Variants in ZBTB20 observed in about 807,000 individuals in gnomAD.
ZBTB20 encodes zinc finger and BTB domain containing 20.
In ZBTB20, 9 loss-of-function variants were observed where a neutral mutation model predicts 56.9. That is an observed-to-expected ratio of 0.16 (90% CI 0.10 to 0.28). The LOEUF is 0.28. Ranked by LOEUF, ZBTB20 falls within the 10% of genes least tolerant of loss-of-function variation. The probability of loss-of-function intolerance (pLI) is 1.00; values close to 1 mark genes in which losing one functional copy is unlikely to be tolerated. For missense variants in ZBTB20, 655 were observed against 1,003.0 expected, an observed-to-expected ratio of 0.65 and a Z score of 4.69; for synonymous variants, 417 against 420.7, an observed-to-expected ratio of 0.99 and a Z score of 0.11.
intron 2 of ZBTB20, among the ~76,000 whole-genome samples, chr3:115,043,040 T>A (rs1023853228): frequency 2.0e-5 from 3 of 152,228 alleles, no homozygotes; most frequent in Non-Finnish European, 4.4e-5. Flanking sequence ...CTTCTATCTC[T>A]ATAATTTCTG....
At chr3:114,706,263 C>T (rs1350414588) in intron 5 of ZBTB20, among the ~76,000 whole-genome samples, 2 of 152,116 alleles carry the variant, frequency 1.3e-5, no homozygotes, top group African/African-American at 4.8e-5. Context: ...GACATCCCAG[C>T]ACAAAGACCC....
chr3:115,005,120 A>G (rs570815428), intron 2 of ZBTB20, among the ~76,000 whole-genome samples: 40 of 151,868 alleles, frequency 2.6e-4, no homozygotes, highest in Non-Finnish European at 3.2e-4. Flanking sequence ...AGGGATTCTT[A>G]CCCTGAAAAT....
intron 2 of ZBTB20, among the ~76,000 whole-genome samples, chr3:115,064,332 G>A (rs2082123569): frequency 2.0e-5 from 3 of 151,662 alleles, no homozygotes; most frequent in Admixed American, 2.0e-4. Flanking sequence ...AAGTGTGGGG[G>A]TACATTTGGA....
chr3:114,905,577 G>T (rs2075289199), intron 3 of ZBTB20, among the ~76,000 whole-genome samples: 2 of 151,834 alleles, frequency 1.3e-5, no homozygotes, highest in South Asian at 4.1e-4. Flanking sequence ...AAGGAATGTT[G>T]CATGAATTGT....
chr3:114,379,859 T>C (rs1450249256), intron 10 of ZBTB20, among the ~76,000 whole-genome samples: 1 of 152,212 alleles, frequency 6.6e-6, no homozygotes, highest in Non-Finnish European at 1.5e-5. Flanking sequence ...TAACTGGCCT[T>C]CTGAGGTCCA....
At chr3:114,438,853 G>A (rs2090718351) in intron 7 of ZBTB20, among the ~76,000 whole-genome samples, 2 of 152,136 alleles carry the variant, frequency 1.3e-5, no homozygotes, top group South Asian at 2.1e-4. Context: ...AACTGCACAG[G>A]TTGTATACCC....
intron 6 of ZBTB20, among the ~76,000 whole-genome samples, chr3:114,601,623 A>T (rs9842986): frequency 0.54 from 82,531 of 151,812 alleles, 24,076 homozygotes; most frequent in East Asian, 0.91. Flanking sequence ...ATAATAGATA[A>T]ATAGCTAGAT....
At chr3:115,022,066 T>C (rs1334792718) in intron 2 of ZBTB20, among the ~76,000 whole-genome samples, 2 of 150,740 alleles carry the variant, frequency 1.3e-5, no homozygotes, top group Non-Finnish European at 3.0e-5. Flanking sequence ...TTCAAAAGAT[T>C]TGAATCTATT....
At chr3:114,576,360 G>A (rs1051145341) in intron 6 of ZBTB20, among the ~76,000 whole-genome samples, 2 of 151,450 alleles carry the variant, frequency 1.3e-5, no homozygotes, top group African/African-American at 2.4e-5. Context: ...AAATTAGCCA[G>A]GCGTGGTGGC....
chr3:114,886,509 T>G (rs1396820098), intron 4 of ZBTB20, among the ~76,000 whole-genome samples: 1 of 152,202 alleles, frequency 6.6e-6, no homozygotes, highest in Non-Finnish European at 1.5e-5. Context: ...ACGAAAAACA[T>G]TTTCTGCAAC....
rs1329371225 is a variant in ZBTB20, at chr3:115,140,402, A to G, written c.-703+6817T>C. Among the ~76,000 whole-genome samples, 3 of 152,072 alleles carry G rather than the reference A, an allele frequency of 2.0e-5. No homozygotes were observed. In the East Asian group the frequency reaches 5.8e-4, roughly 29 times the overall value. On this transcript the variant is annotated intron_variant, in intron 1 of 11. Transcript: ENST00000675478. ...GACGACACATTTAAAATAGCATAAAACTGTAAAAACTCGTTAGAAGTAATG... is the reference window on the plus strand; with the variant it reads ...GACGACACATTTAAAATAGCATAAAGCTGTAAAAACTCGTTAGAAGTAATG...
intron 10 of ZBTB20, among the ~76,000 whole-genome samples, chr3:114,354,077 C>T (rs975003472): frequency 2.6e-5 from 4 of 152,174 alleles, no homozygotes; most frequent in African/African-American, 9.6e-5. Context: ...TATACCTATC[C>T]GTGATTTAGT....
rs370795467 is a variant in ZBTB20, at chr3:114,427,731, T to C, written c.-254-38626A>G. ...CCCCTCAGCACTCACCAACATCTAATACTTGGGTGTTAATCAAAATGTATC... is the reference window on the plus strand; with the variant it reads ...CCCCTCAGCACTCACCAACATCTAACACTTGGGTGTTAATCAAAATGTATC... On this transcript the variant is annotated intron_variant, in intron 7 of 11. Transcript: ENST00000675478. 1.4e-4 allele frequency among the ~76,000 whole-genome samples: 22 copies of C among 152,356 alleles called. No individual in the cohort carries two copies. In the East Asian group the frequency reaches 2.3e-3, roughly 16 times the overall value.
intron 10 of ZBTB20, among the ~76,000 whole-genome samples, chr3:114,358,769 C>T (rs1015795773): frequency 2.6e-4 from 40 of 152,258 alleles, no homozygotes; most frequent in African/African-American, 8.7e-4. Flanking sequence ...CATAAGGATA[C>T]AAAGGATCTT....
At chr3:114,958,674 C>A (rs1394741975) in intron 3 of ZBTB20, among the ~76,000 whole-genome samples, 1 of 151,700 alleles carries the variant, frequency 6.6e-6, no homozygotes, top group East Asian at 1.9e-4. Flanking sequence ...ATGGTGAAAC[C>A]CCATTTCTAC....
intron 6 of ZBTB20, among the ~76,000 whole-genome samples, chr3:114,659,940 G>C (rs932861785): frequency 6.6e-6 from 1 of 152,006 alleles, no homozygotes; most frequent in African/African-American, 2.4e-5. Context: ...GACTGTGGTA[G>C]AAAAGGGAAA....
At chr3:114,884,117 G>C (rs2076511519) in intron 4 of ZBTB20, among the ~76,000 whole-genome samples, 1 of 150,452 alleles carries the variant, frequency 6.6e-6, no homozygotes, top group Non-Finnish European at 1.5e-5. Context: ...AGTAGAGACG[G>C]GGTTTCACCG....
chr3:114,553,019 T>C (rs1018541239), intron 6 of ZBTB20, among the ~76,000 whole-genome samples: 1 of 152,200 alleles, frequency 6.6e-6, no homozygotes, highest in Non-Finnish European at 1.5e-5. Context: ...AATTTACCCT[T>C]TTCTCTCCAA....
Position 114,350,293 on chromosome 3 carries a change from C to T in ZBTB20, c.1785G>A (p.Lys595=). 3 of 1,608,770 alleles carry T rather than the reference C, an allele frequency of 1.9e-6. No homozygotes were observed. The highest frequency in any genetic ancestry group is 2.6e-6 in the Non-Finnish European group (3 of 1,176,020). Residue 595 remains lysine, a synonymous_variant, in exon 11 of 12, where the codon AAG becomes AAA. Coordinates refer to ENST00000675478, the MANE Select transcript of ZBTB20 (RefSeq NM_001348800.3). The part of the protein sequence containing the change: ...KTFTAKQNYV[K]HMFVHTGEKP... ...ACTCACCTGTGTGTACGAACATGTGCTTGACGTAGTTCTGTTTGGCGGTGA... is the reference window on the plus strand; with the variant it reads ...ACTCACCTGTGTGTACGAACATGTGTTTGACGTAGTTCTGTTTGGCGGTGA...
Sources: gnomAD v4.1 joint callset for allele counts (sites outside exome capture counted in the v4.1 genomes callset) on GRCh38, gnomAD v4.1.1 for gene constraint, MANE v1.5 for transcripts, NCBI Gene and HGNC (gene_info 2026-07-23, HGNC 2026-07-21) for gene names.